Variants in PXDNL observed in about 807,000 individuals in gnomAD.
PXDNL encodes probable oxidoreductase PXDNL.
In PXDNL, 145 loss-of-function variants were observed where a neutral mutation model predicts 150.8. The ratio of observed to expected loss-of-function variants is 0.96; its 90% CI spans 0.84 to 1.10. The LOEUF (loss-of-function observed/expected upper bound fraction) is 1.10. PXDNL is among the 50% of genes least tolerant of loss of function. PXDNL has a pLI of 0.00. For synonymous variants in PXDNL, 757 were observed against 725.7 expected (o/e 1.04, Z -0.69); for missense variants, 2,087 against 1,873.9 (o/e 1.11, Z -2.10).
At chr8:51,542,233 T>A (rs1169327383) in intron 4 of PXDNL, among the ~76,000 whole-genome samples, 1 of 152,140 alleles carries the variant, frequency 6.6e-6, no homozygotes, top group African/African-American at 2.4e-5. Flanking sequence ...TTAAATATTA[T>A]CTAACAGAAC....
At chr8:51,740,267 G>C (rs1342972138) in intron 1 of PXDNL, among the ~76,000 whole-genome samples, 1 of 152,210 alleles carries the variant, frequency 6.6e-6, no homozygotes, top group Non-Finnish European at 1.5e-5. Context: ...GTCCTTGCTA[G>C]TGTGAATAGT....
chr8:51,328,923 C>T (rs1805597275), intron 21 of PXDNL, among the ~76,000 whole-genome samples: 1 of 152,158 alleles, frequency 6.6e-6, no homozygotes, highest in Admixed American at 6.5e-5. Context: ...TGCCAGGGTA[C>T]AGTACTAAAT....
chr8:51,496,443 G>C (rs144602294), intron 5 of PXDNL, among the ~76,000 whole-genome samples: 5,501 of 152,238 alleles, frequency 0.036, 168 homozygotes, highest in African/African-American at 0.078. Flanking sequence ...AATTAGGCAG[G>C]AGAAGGAAAT....
rs796918697 is a variant in PXDNL at position 51,796,694 on chromosome 8, C to CA, written c.164+12486dup. Among the ~76,000 whole-genome samples the CA allele has an allele frequency of 2.6e-3, 397 of 151,786 alleles. 1 individual carries two copies. The highest frequency in any genetic ancestry group is 9.1e-3 in the African/African-American group (375 of 41,396). On this transcript the variant is annotated intron_variant, in intron 1 of 22. Transcript: ENST00000356297. The stretch of plus-strand genomic sequence containing the variant: ...GAGGCAGAAATACATAGCTTATCAA[C>CA]AAAAAAAAGCCCAGGACCAGATGGA...
intron 8 of PXDNL, among the ~76,000 whole-genome samples, chr8:51,460,501 A>G (rs1038444212): frequency 2.6e-4 from 37 of 144,934 alleles, no homozygotes; most frequent in Non-Finnish European, 3.0e-4. Flanking sequence ...TGAAAAAGCC[A>G]TCACACTTTA....
chr8:51,738,442 CT>C (rs2036864001), intron 1 of PXDNL, among the ~76,000 whole-genome samples: 1 of 152,172 alleles, frequency 6.6e-6, no homozygotes, highest in Admixed American at 6.6e-5. Context: ...TTTCTCCCCA[CT>C]TGGTAATTCC....
At chr8:51,696,793 A>G (rs1291178706) in intron 1 of PXDNL, among the ~76,000 whole-genome samples, 42 of 84,264 alleles carry the variant, frequency 5.0e-4, no homozygotes, top group Admixed American at 6.3e-4. Context: ...ATACCCACCC[A>G]CACATAGGTC....
At chr8:51,407,043 AT>A (rs943774715) in intron 17 of PXDNL, among the ~76,000 whole-genome samples, 13 of 152,328 alleles carry the variant, frequency 8.5e-5, no homozygotes, top group Admixed American at 7.8e-4. Context: ...CTACTTTCTC[AT>A]TTTATAGGTA....
chr8:51,689,701 G>T (rs4397396), intron 1 of PXDNL, among the ~76,000 whole-genome samples: 101,189 of 152,014 alleles, frequency 0.67, 34,870 homozygotes, highest in East Asian at 0.81. Flanking sequence ...GAAGTTTCTG[G>T]AAAGTTATGT....
intron 4 of PXDNL, among the ~76,000 whole-genome samples, chr8:51,538,844 C>T (rs1423753003): frequency 1.3e-5 from 2 of 152,136 alleles, no homozygotes; most frequent in South Asian, 2.1e-4. Context: ...CTATAAACCA[C>T]TAAACAAAAA....
intron 21 of PXDNL, among the ~76,000 whole-genome samples, chr8:51,324,543 C>T (rs1805426601): frequency 6.6e-6 from 1 of 152,142 alleles, no homozygotes; most frequent in Admixed American, 6.5e-5. Context: ...TTCTTTCTAT[C>T]CAAGACCTGA....
At chr8:51,350,354 CTTTTTTTTT>C (rs1163628780) in intron 19 of PXDNL, among the ~76,000 whole-genome samples, 6 of 77,894 alleles carry the variant, frequency 7.7e-5, no homozygotes, top group East Asian at 9.2e-4. Flanking sequence ...AATGCAGCTT[CTTTTTTTTT>C]TTTTTTTTTT....
At chr8:51,652,441 A>T (rs200882446) in intron 2 of PXDNL, among the ~76,000 whole-genome samples, 1,407 of 110,788 alleles carry the variant, frequency 0.013, 10 homozygotes, top group Non-Finnish European at 0.017. Flanking sequence ...TCTCTCTCTC[A>T]CACACACACA....
At chr8:51,356,414 G>A (rs988976080) in intron 19 of PXDNL, among the ~76,000 whole-genome samples, 3 of 151,820 alleles carry the variant, frequency 2.0e-5, no homozygotes, top group African/African-American at 4.8e-5. Context: ...ACTTGAACCC[G>A]GGAGGTGGAG....
In PXDNL at chr8:51,409,430, C is replaced by T. The variant is rs994432520; in HGVS notation, c.2194G>A (p.Gly732Ser). 1.9e-6 allele frequency: 3 copies of T among 1,612,280 alleles called. No individual in the cohort carries two copies. The highest frequency in any genetic ancestry group is 1.7e-6 in the Non-Finnish European group (2 of 1,179,620). Residue 732 changes from glycine to serine, a missense_variant, in exon 17 of 23, where the codon GGC becomes AGC. Gly to Ser is a moderately conservative substitution (Grantham distance 56, BLOSUM62 0). Transcript: ENST00000356297. ...CFHAKYRAHDGTCNNLQQPTW... is the reference protein window; with the variant it reads ...CFHAKYRAHDSTCNNLQQPTW... ...GGCTGCTGCAGGTTGTTGCACGTGC[C>T]GTCGTGGGCGCGGTACTTCGCATGG...
chr8:51,356,310 G>A (rs1806506394), intron 19 of PXDNL, among the ~76,000 whole-genome samples: 1 of 152,102 alleles, frequency 6.6e-6, no homozygotes, highest in Non-Finnish European at 1.5e-5. Flanking sequence ...CCAACATGGT[G>A]AAACCCCATC....
chr8:51,547,086 A>G (rs1426337548), intron 4 of PXDNL, among the ~76,000 whole-genome samples: 1 of 152,146 alleles, frequency 6.6e-6, no homozygotes. Context: ...AAGGCAAAAG[A>G]CATAAACTTT....
In PXDNL at chr8:51,423,587, G is replaced by T. The variant is rs750402375; in HGVS notation, c.1783C>A (p.Leu595Ile). The change falls in exon 14 of 23, where the codon CTT becomes ATT. Residue 595 changes from leucine (L) to isoleucine (I), a missense_variant. By Grantham distance (5) the Leu-to-Ile change is conservative (BLOSUM62 2). Transcript: ENST00000356297. Reference protein sequence around the residue: ...SFGLAVTNMFLTVTAIQGRQA... With the variant: ...SFGLAVTNMFITVTAIQGRQA... ...TATAGACACCTACCCGTGACTGTAA[G>T]AAACATGTTGGTCACAGCAAGGCCA... The T allele has an allele frequency of 5.0e-6, 8 of 1,613,694 alleles. No homozygotes were observed. The South Asian group carries it at 8.8e-5, about 18-fold the overall frequency.
chr8:51,721,845 T>C (rs1816737465), intron 1 of PXDNL: 1 of 274,282 alleles, frequency 3.6e-6, no homozygotes, highest in Admixed American at 3.8e-5. Flanking sequence ...TGGTTTACAA[T>C]GGTAAACCAG....
Sources: gnomAD v4.1 joint callset for allele counts (sites outside exome capture counted in the v4.1 genomes callset) on GRCh38, gnomAD v4.1.1 for gene constraint, MANE v1.5 for transcripts, NCBI Gene and HGNC (gene_info 2026-07-23, HGNC 2026-07-21) for gene names.